Variants in FBXO15 observed in about 807,000 individuals in gnomAD.
FBXO15 encodes the protein F-box protein 15.
Under a neutral mutation model 49.5 loss-of-function variants are expected in FBXO15, and 30 were observed. The ratio of observed to expected loss-of-function variants is 0.61; its 90% CI spans 0.45 to 0.82. FBXO15 has a LOEUF of 0.82. Ranked by LOEUF, FBXO15 falls within the 40% of genes least tolerant of loss-of-function variation. The pLI is 0.00. For missense variants in FBXO15, 591 were observed against 631.5 expected (o/e 0.94, Z 0.69); for synonymous variants, 250 against 232.7 (o/e 1.07, Z -0.68).
At chr18:74,089,217 G>A (rs2145121679) in intron 8 of FBXO15, among the ~76,000 whole-genome samples, 1 of 152,234 alleles carries the variant, frequency 6.6e-6, no homozygotes, top group African/African-American at 2.4e-5. Context: ...ATGTGAATGT[G>A]TTCTTGATTT....
chr18:74,123,148 T>G, intron 8 of FBXO15: 2 of 448,098 alleles, frequency 4.5e-6, no homozygotes, highest in Non-Finnish European at 3.9e-6. Flanking sequence ...GAAGGTGGCA[T>G]TGAGAGTGAT....
rs1258737417 is a variant in FBXO15, at chr18:74,112,236, A to G, written c.1138+11132T>C. 2.6e-5 allele frequency among the ~76,000 whole-genome samples: 4 copies of G among 152,242 alleles called. No individual in the cohort carries two copies. In the South Asian group the frequency reaches 6.2e-4, roughly 24 times the overall value. On this transcript the variant is annotated intron_variant, in intron 8 of 9. Coordinates refer to ENST00000419743, the MANE Select transcript of FBXO15 (RefSeq NM_001142958.2). ...TCGAAACCAAAAACATTGCAAGAAA[A>G]GAAAACTATAGACAAGTATCTCTCA...
chr18:74,139,908 CT>C (rs1316841075), intron 2 of FBXO15, among the ~76,000 whole-genome samples: 18 of 152,114 alleles, frequency 1.2e-4, no homozygotes, highest in African/African-American at 4.3e-4. Context: ...TTTCTTTCTC[CT>C]TTTTCAAGGG....
intron 8 of FBXO15, among the ~76,000 whole-genome samples, chr18:74,088,726 T>C (rs1212533382): frequency 6.6e-6 from 1 of 152,218 alleles, no homozygotes; most frequent in African/African-American, 2.4e-5. Context: ...ATAGTTTTTA[T>C]CTAATTCTGT....
intron 8 of FBXO15, among the ~76,000 whole-genome samples, chr18:74,117,372 G>A (rs1303256114): frequency 1.3e-5 from 2 of 151,956 alleles, no homozygotes; most frequent in Admixed American, 6.5e-5. Context: ...GTTTATTAAC[G>A]TTAACACAAA....
intron 5 of FBXO15, 53 bp from the exon 6 acceptor site, chr18:74,126,154 T>C (rs996481079): frequency 9.4e-6 from 15 of 1,604,136 alleles, no homozygotes; most frequent in East Asian, 6.7e-5. Context: ...TTCCTGTCCA[T>C]AGTGTTGTCA....
In FBXO15 at chr18:74,075,845, A is replaced by G. The variant is rs531759125; in HGVS notation, c.1264-2115T>C. On this transcript the variant is annotated intron_variant, in intron 9 of 9. Coordinates refer to ENST00000419743, the MANE Select transcript of FBXO15 (RefSeq NM_001142958.2). This position sits in a 1 kb window ranked among gnomAD's most constrained non-coding sequence, Gnocchi z 4.1. ...CTAGGCCCTATTTTCACTCTATGTA[A>G]TCTCTCCCCATAAATGGAACTCATC... Among the ~76,000 whole-genome samples, 32 of 152,200 alleles carry G rather than the reference A, an allele frequency of 2.1e-4. No individual in the cohort carries two copies. Among genetic ancestry groups the G allele is most frequent in the African/African-American group, 6.5e-4 (27 of 41,534 alleles).
intron 8 of FBXO15, among the ~76,000 whole-genome samples, chr18:74,102,999 C>A (rs946896981): frequency 6.6e-6 from 1 of 151,942 alleles, no homozygotes; most frequent in African/African-American, 2.4e-5. Context: ...AAATTGGGTT[C>A]ATTGTATACT....
At chr18:74,125,944 G>T in intron 6 of FBXO15, 31 bp downstream of exon 6, 1 of 1,610,056 alleles carries the variant, frequency 6.2e-7, no homozygotes, top group South Asian at 1.1e-5. Flanking sequence ...ATGGGGAAAT[G>T]ACACAGTACA....
Position 74,117,836 on chromosome 18 carries a change from C to T in FBXO15, c.1138+5532G>A, listed in dbSNP as rs893354251. 4.6e-5 allele frequency among the ~76,000 whole-genome samples: 7 copies of T among 152,044 alleles called. No homozygotes were observed. The South Asian group carries it at 6.2e-4, about 14-fold the overall frequency. ...GAATGCAAACATAAAAATTAATCAA[C>T]GCTATGCTGTATTTGTTTGCAATAG... On this transcript the variant is annotated intron_variant, in intron 8 of 9. Coordinates refer to ENST00000419743, the MANE Select transcript of FBXO15 (RefSeq NM_001142958.2).
chr18:74,147,647 C>A, intron 1 of FBXO15, 23 bp downstream of exon 1: 1 of 1,392,972 alleles, frequency 7.2e-7, no homozygotes, highest in Non-Finnish European at 9.3e-7. Context: ...CCAGGGGACC[C>A]CACCCGCAGG....
At chr18:74,085,829 A>G (rs1177186257) in intron 8 of FBXO15, among the ~76,000 whole-genome samples, 1 of 152,236 alleles carries the variant, frequency 6.6e-6, no homozygotes, top group African/African-American at 2.4e-5. Context: ...AAAAGCTGAA[A>G]CCATAACAAT....
intron 8 of FBXO15, among the ~76,000 whole-genome samples, chr18:74,092,807 C>T (rs1232103238): frequency 1.3e-5 from 2 of 152,100 alleles, no homozygotes; most frequent in Non-Finnish European, 2.9e-5. Context: ...ATGGGTGGTG[C>T]CAGATAAAGC....
At chr18:74,084,263 T>C (rs1599135287) in intron 8 of FBXO15, among the ~76,000 whole-genome samples, 1 of 152,252 alleles carries the variant, frequency 6.6e-6, no homozygotes, top group African/African-American at 2.4e-5. Flanking sequence ...TGGCTCAGCC[T>C]ATGAGTCCCA....
chr18:74,129,212 G>A (rs1333746798), intron 5 of FBXO15, among the ~76,000 whole-genome samples, 193 bp downstream of exon 5: 2 of 152,138 alleles, frequency 1.3e-5, no homozygotes, highest in African/African-American at 2.4e-5. Context: ...AAGATACGAG[G>A]AAGTTAAATT....
chr18:74,081,788 T>G, intron 9 of FBXO15, 139 bp downstream of exon 9: 1 of 655,362 alleles, frequency 1.5e-6, no homozygotes, highest in Non-Finnish European at 2.3e-6. Flanking sequence ...TGCACCAACC[T>G]TCAGAAACCA....
intron 8 of FBXO15, chr18:74,096,897 T>C (rs1913301892): frequency 6.6e-6 from 1 of 152,214 alleles, no homozygotes; most frequent in South Asian, 2.1e-4. Context: ...CACCAAATAC[T>C]GTGAGTACCC....
At chr18:74,100,699 A>T (rs1413465670) in intron 8 of FBXO15, among the ~76,000 whole-genome samples, 9 of 152,194 alleles carry the variant, frequency 5.9e-5, no homozygotes, top group African/African-American at 2.2e-4. Context: ...AACCCAAATA[A>T]GAACAATTAG....
At chr18:74,090,317 C>T (rs368325286) in intron 8 of FBXO15, among the ~76,000 whole-genome samples, 90 of 151,930 alleles carry the variant, frequency 5.9e-4, no homozygotes, top group African/African-American at 2.1e-3. Flanking sequence ...TTTTATAACT[C>T]TAGCTAGCAG....
Sources: allele counts gnomAD v4.1 joint callset (sites outside exome capture counted in the v4.1 genomes callset), GRCh38; gene constraint gnomAD v4.1.1; non-coding constraint Gnocchi (gnomAD v3.1); transcripts MANE v1.5; gene names NCBI Gene and HGNC (gene_info 2026-07-23, HGNC 2026-07-21).